PCBP3: variants seen among roughly 807,000 people sequenced by gnomAD.
PCBP3 encodes the protein poly(rC)-binding protein 3.
A neutral mutation model predicts 52.7 loss-of-function variants in PCBP3; 25 were observed. The observed-to-expected ratio is 0.47, with a 90% CI of 0.35 to 0.66. The LOEUF (loss-of-function observed/expected upper bound fraction) is 0.66, where lower values mean the gene tolerates loss of function less well. Ranked by LOEUF, PCBP3 falls within the 30% of genes least tolerant of loss-of-function variation. The pLI is 0.01. For missense variants in PCBP3, 391 were observed against 490.3 expected, an observed-to-expected ratio of 0.80 and a Z score of 1.91; for synonymous variants, 162 against 183.0, an observed-to-expected ratio of 0.89 and a Z score of 0.93.
chr21:45,682,732 G>T (rs962617774), intron 2 of PCBP3, among the ~76,000 whole-genome samples: 2 of 152,030 alleles, frequency 1.3e-5, no homozygotes, highest in African/African-American at 4.8e-5. Context: ...AGATGAGGAG[G>T]AGCAGGCTAG....
intron 4 of PCBP3, among the ~76,000 whole-genome samples, chr21:45,825,112 C>G (rs998790331): frequency 2.0e-5 from 3 of 152,166 alleles, no homozygotes; most frequent in Admixed American, 6.5e-5. Context: ...TGCATTGGCT[C>G]TGAGCTTGTG....
Position 45,653,735 on chromosome 21 carries a change from C to T in PCBP3, c.-279+9867C>T, listed in dbSNP as rs78491921. ...ATTTACATTAAATGTAATTACTGATCTATTTGGGTTTAAATTTACGATTCT... is the reference window on the plus strand; with the variant it reads ...ATTTACATTAAATGTAATTACTGATTTATTTGGGTTTAAATTTACGATTCT... On this transcript the variant is annotated intron_variant, in intron 1 of 17. Coordinates refer to ENST00000681687, the MANE Select transcript of PCBP3 (RefSeq NM_001384156.1). Among the ~76,000 whole-genome samples, 433 of 152,086 alleles carry T rather than the reference C, an allele frequency of 2.8e-3. 11 individuals are homozygous for T. In the East Asian group the frequency reaches 0.071, roughly 25 times the overall value.
chr21:45,686,183 G>C (rs530973058), intron 2 of PCBP3, among the ~76,000 whole-genome samples: 1 of 152,236 alleles, frequency 6.6e-6, no homozygotes, highest in East Asian at 1.9e-4. Flanking sequence ...CTCCCAAAGT[G>C]CTGGGATTAC....
chr21:45,850,683 C>G (rs927326897), intron 5 of PCBP3, among the ~76,000 whole-genome samples: 9 of 152,146 alleles, frequency 5.9e-5, no homozygotes, highest in African/African-American at 2.2e-4. Context: ...ATATCTTAAG[C>G]AATATAATAA....
At chr21:45,819,462 T>C (rs888791674) in intron 4 of PCBP3, among the ~76,000 whole-genome samples, 3 of 152,198 alleles carry the variant, frequency 2.0e-5, no homozygotes, top group Non-Finnish European at 4.4e-5. Context: ...GGCATGTTCA[T>C]CAAGTAAGCG....
At chr21:45,762,486 C>CTTTTTTTTTTT (rs1401689005) in intron 4 of PCBP3, 13 of 95,304 alleles carry the variant, frequency 1.4e-4, no homozygotes, top group African/African-American at 3.6e-4. Flanking sequence ...CTTTTCTTTT[C>CTTTTTTTTTTT]TTCTCTTTTT....
chr21:45,933,238 T>G (rs1302041706), intron 15 of PCBP3, among the ~76,000 whole-genome samples: 2 of 151,556 alleles, frequency 1.3e-5, no homozygotes, highest in African/African-American at 2.4e-5. Flanking sequence ...TGGGCCATGC[T>G]GTCTTGAGAT....
chr21:45,867,877 T>C (rs2094811167), intron 5 of PCBP3, among the ~76,000 whole-genome samples: 1 of 152,254 alleles, frequency 6.6e-6, no homozygotes, highest in African/African-American at 2.4e-5. Context: ...TGCTCTGTGG[T>C]AAGAGGAAGA....
At chr21:45,785,744 T>G (rs1248782538) in intron 4 of PCBP3, among the ~76,000 whole-genome samples, 1 of 151,868 alleles carries the variant, frequency 6.6e-6, no homozygotes, top group East Asian at 1.9e-4. Context: ...CGTGTCTGTG[T>G]AGAAAGAGGT....
chr21:45,680,324 A>G (rs2081760516), intron 2 of PCBP3, among the ~76,000 whole-genome samples: 2 of 152,196 alleles, frequency 1.3e-5, no homozygotes, highest in South Asian at 2.1e-4. Context: ...TGATATCTCT[A>G]CTATGCTGAA....
At chr21:45,789,286 C>G (rs772670732) in intron 4 of PCBP3, among the ~76,000 whole-genome samples, 1 of 152,128 alleles carries the variant, frequency 6.6e-6, no homozygotes, top group Middle Eastern at 3.2e-3. Flanking sequence ...TGATTGTGCA[C>G]GTAGTGTACC....
intron 5 of PCBP3, chr21:45,859,114 T>TTTCCAGCCTTGTCTGC (rs2094418506): frequency 6.6e-6 from 1 of 152,518 alleles, no homozygotes; most frequent in Non-Finnish European, 1.5e-5. Context: ...CAATCCAGCC[T>TTTCCAGCCTTGTCTGC]TTCCAGCCTT....
intron 2 of PCBP3, among the ~76,000 whole-genome samples, chr21:45,701,080 T>A (rs2083096980): frequency 6.6e-6 from 1 of 152,276 alleles, no homozygotes; most frequent in African/African-American, 2.4e-5. Context: ...GATTTTGCCT[T>A]GAAAATTAAA....
chr21:45,709,977 T>G (rs2083720922), intron 2 of PCBP3, among the ~76,000 whole-genome samples: 1 of 152,140 alleles, frequency 6.6e-6, no homozygotes, highest in South Asian at 2.1e-4. Context: ...TTCTGGTGAT[T>G]AGTTATGGGT....
intron 16 of PCBP3, 70 bp from the exon 17 acceptor site, chr21:45,939,960 C>A: frequency 2.1e-6 from 3 of 1,430,160 alleles, no homozygotes; most frequent in Middle Eastern, 2.0e-4. Flanking sequence ...CCCCCTCGGG[C>A]GCACTGCCCA....
At position 45,790,064 on chromosome 21, in the gene PCBP3, C is replaced by T. The variant is rs949514733; in HGVS notation, c.-126+34612C>T. On this transcript the variant is annotated intron_variant, in intron 4 of 17. Coordinates refer to ENST00000681687, the MANE Select transcript of PCBP3 (RefSeq NM_001384156.1). The stretch of plus-strand genomic sequence containing the variant: ...CTGAGGCAGGAGAATGGCGTGAACC[C>T]GGGAGGCGGAGCTTGCAGTGAGCCG... 6.6e-5 allele frequency among the ~76,000 whole-genome samples: 10 copies of T among 152,092 alleles called. No individual in the cohort carries two copies. The South Asian group carries it at 8.3e-4, about 13-fold the overall frequency.
At chr21:45,890,462 C>T (rs2095625869) in intron 5 of PCBP3, among the ~76,000 whole-genome samples, 1 of 151,994 alleles carries the variant, frequency 6.6e-6, no homozygotes, top group Admixed American at 6.6e-5. Context: ...GAACCTGGAA[C>T]TCTGCACAGC....
chr21:45,789,289 A>G (rs1230452458), intron 4 of PCBP3, among the ~76,000 whole-genome samples: 1 of 152,154 alleles, frequency 6.6e-6, no homozygotes, highest in Non-Finnish European at 1.5e-5. Context: ...TTGTGCACGT[A>G]GTGTACCCGC....
intron 5 of PCBP3, among the ~76,000 whole-genome samples, chr21:45,875,181 C>T (rs1157155119): frequency 6.6e-6 from 1 of 151,132 alleles, no homozygotes; most frequent in Admixed American, 6.6e-5. Flanking sequence ...GCTGACTCAC[C>T]GGGGCTGGGG....
Sources: allele counts gnomAD v4.1 joint callset (sites outside exome capture counted in the v4.1 genomes callset), GRCh38; gene constraint gnomAD v4.1.1; transcripts MANE v1.5; gene names NCBI Gene and HGNC (gene_info 2026-07-23, HGNC 2026-07-21).